Variants in ESCO1 observed in about 807,000 individuals in gnomAD.
The protein encoded by ESCO1 is N-acetyltransferase ESCO1.
A neutral mutation model predicts 83.5 loss-of-function variants in ESCO1; 33 were observed. The observed-to-expected ratio is 0.40, with a 90% CI of 0.30 to 0.53. ESCO1 has a LOEUF of 0.53. ESCO1 is among the 20% of genes least tolerant of loss of function. The pLI is 0.63. For missense variants in ESCO1, 855 were observed against 968.0 expected (o/e 0.88, Z 1.55); for synonymous variants, 332 against 324.3 (o/e 1.02, Z -0.25).
At chr18:21,556,309 C>T (rs922833009) in intron 8 of ESCO1, among the ~76,000 whole-genome samples, 1 of 152,252 alleles carries the variant, frequency 6.6e-6, no homozygotes, top group African/African-American at 2.4e-5. Flanking sequence ...TGCTCTACTA[C>T]TATTCACTTC....
intron 1 of ESCO1, among the ~76,000 whole-genome samples, chr18:21,592,337 G>A (rs1322072539): frequency 2.0e-5 from 3 of 149,626 alleles, no homozygotes; most frequent in Non-Finnish European, 1.5e-5. Flanking sequence ...GGGCAGAGGC[G>A]CCCCTCACCT....
intron 5 of ESCO1, among the ~76,000 whole-genome samples, chr18:21,566,990 A>T (rs1180321251): frequency 2.0e-5 from 3 of 152,206 alleles, no homozygotes; most frequent in Non-Finnish European, 4.4e-5. Flanking sequence ...CAACTCAGAG[A>T]AAAAGTTAAA....
chr18:21,557,220 G>A (rs2038124897), intron 8 of ESCO1, among the ~76,000 whole-genome samples: 1 of 152,078 alleles, frequency 6.6e-6, no homozygotes, highest in Non-Finnish European at 1.5e-5. Flanking sequence ...AGAACAGAAA[G>A]AATAAAGTCC....
chr18:21,547,770 A>C (rs956171938), intron 8 of ESCO1, among the ~76,000 whole-genome samples: 9 of 152,216 alleles, frequency 5.9e-5, no homozygotes, highest in Non-Finnish European at 8.8e-5. Flanking sequence ...GAAAATGCTT[A>C]TTGGGATAAG....
At chr18:21,564,146 AAT>A (rs1326184962) in intron 7 of ESCO1, 55 bp downstream of exon 7, 1 of 1,103,586 alleles carries the variant, frequency 9.1e-7, no homozygotes, top group East Asian at 2.5e-5. Context: ...AGCAACATGA[AAT>A]ATACTAAGAT....
intron 11 of ESCO1, among the ~76,000 whole-genome samples, chr18:21,531,995 CA>C (rs1301369100): frequency 3.3e-5 from 5 of 149,634 alleles, no homozygotes. Flanking sequence ...CTTTATAGGA[CA>C]AAAAACAAAA....
At chr18:21,553,669 C>A (rs2038074821) in intron 8 of ESCO1, among the ~76,000 whole-genome samples, 1 of 151,616 alleles carries the variant, frequency 6.6e-6, no homozygotes, top group Admixed American at 6.6e-5. Context: ...ACCAGCCTGA[C>A]CAACATGGAG....
At chr18:21,591,823 G>T (rs978715838) in intron 1 of ESCO1, among the ~76,000 whole-genome samples, 2 of 151,884 alleles carry the variant, frequency 1.3e-5, no homozygotes, top group South Asian at 2.1e-4. Flanking sequence ...GCGGCCTTCC[G>T]CAGTGTTTGT....
At chr18:21,551,246 A>G (rs1418815712) in intron 8 of ESCO1, among the ~76,000 whole-genome samples, 4 of 151,924 alleles carry the variant, frequency 2.6e-5, no homozygotes, top group East Asian at 1.9e-4. Flanking sequence ...CGAGGCGGAC[A>G]GATCACGAGG....
chr18:21,589,238 CA>C (rs1167027796), intron 1 of ESCO1, among the ~76,000 whole-genome samples: 387 of 116,348 alleles, frequency 3.3e-3, no homozygotes, highest in Middle Eastern at 0.027. Flanking sequence ...GACTCCGTCT[CA>C]AAAAAAAAAA....
chr18:21,530,492 T>C lies in ESCO1; in HGVS notation c.2376-2A>G. ...TATGAGCCATATATAAAGTTACTCC[T>C]ATTAAAAAAAAATGGGGGGGGGGAA... On this transcript the variant is annotated splice_acceptor_variant, in intron 11 of 11. Transcript: ENST00000269214. LOFTEE classifies it high-confidence loss of function. The C allele has an allele frequency of 1.2e-6, 1 of 842,620 alleles. No homozygotes were observed. Among genetic ancestry groups the C allele is most frequent in the Non-Finnish European group, 1.7e-6 (1 of 601,814 alleles). 52.2% of individuals were successfully genotyped at this position (842,620 alleles called of 1,614,324 possible). A position where few individuals can be genotyped will look rare whatever the true frequency, so the allele number is the denominator to read the frequency against.
intron 5 of ESCO1, 96 bp from the exon 6 acceptor site, chr18:21,566,302 A>T: frequency 9.7e-7 from 1 of 1,025,744 alleles, no homozygotes; most frequent in East Asian, 2.5e-5. Context: ...AAAAACCTTC[A>T]ATGCATTAAA....
At chr18:21,540,729 G>C in intron 8 of ESCO1, 1 of 1,252,718 alleles carries the variant, frequency 8.0e-7, no homozygotes, top group Non-Finnish European at 1.0e-6. Context: ...CAAAACAAAA[G>C]CCACTTAAAT....
chr18:21,573,378 A>C lies in ESCO1; in HGVS notation c.1466T>G (p.Ile489Arg). 6.2e-7 allele frequency: 1 copy of C among 1,606,196 alleles called. No individual in the cohort carries two copies. Among genetic ancestry groups the C allele is most frequent in the Non-Finnish European group, 8.5e-7 (1 of 1,178,372 alleles). ...ATCCAATGGTGGGTCAGAAGGTTTT[A>C]TCTCATTGGCCAAATGACAATTTTC... Reference protein sequence around the residue: ...APENCHLANEIKPSDPPLDNQ... With the variant: ...APENCHLANERKPSDPPLDNQ... The change falls in exon 4 of 12, where the codon ATA becomes AGA. Residue 489 changes from isoleucine (I) to arginine (R), a missense_variant. This residue lies in a region of ESCO1 where 726 missense variants were observed against 699.5 expected (regional missense o/e 1.04). Coordinates refer to ENST00000269214, the MANE Select transcript of ESCO1 (RefSeq NM_052911.3).
intron 8 of ESCO1, among the ~76,000 whole-genome samples, chr18:21,545,554 C>A (rs1294954748): frequency 1.8e-4 from 25 of 142,306 alleles, no homozygotes; most frequent in African/African-American, 6.0e-4. Flanking sequence ...GCCCGGTTAA[C>A]AGAGCAAGAC....
chr18:21,563,422 A>G (rs557369351), intron 7 of ESCO1, among the ~76,000 whole-genome samples: 1 of 152,308 alleles, frequency 6.6e-6, no homozygotes, highest in African/African-American at 2.4e-5. Flanking sequence ...ATCTCAGCTC[A>G]CTGCAACCTC....
Position 21,573,725 on chromosome 18 carries a change from A to G in ESCO1, c.1119T>C (p.Pro373=). The G allele has an allele frequency of 6.2e-7, 1 of 1,614,124 alleles. No homozygotes were observed. The highest frequency in any genetic ancestry group is 8.5e-7 in the Non-Finnish European group (1 of 1,180,012). ...NRFFPSRKTK[P]VKCILNGINS... Reference sequence around the variant, plus strand: ...TTATTCCATTTAGTATACATTTCACAGGCTTTGTTTTTCTACTTGGGAAAA... The same window carrying G: ...TTATTCCATTTAGTATACATTTCACGGGCTTTGTTTTTCTACTTGGGAAAA... Residue 373 remains proline (P), a synonymous_variant, in exon 4 of 12, where the codon CCT becomes CCC. Coordinates refer to ENST00000269214, the MANE Select transcript of ESCO1 (RefSeq NM_052911.3).
intron 3 of ESCO1, 99 bp downstream of exon 3, chr18:21,575,572 GA>G: frequency 2.5e-6 from 1 of 398,138 alleles, no homozygotes. Flanking sequence ...AAGGCTAACA[GA>G]ACGAAGTATC....
chr18:21,599,355 T>C (rs964398141), intron 1 of ESCO1, among the ~76,000 whole-genome samples: 1 of 152,196 alleles, frequency 6.6e-6, no homozygotes, highest in East Asian at 1.9e-4. Context: ...AATAAAATAA[T>C]AACTTAAAAC....
Sources: allele counts gnomAD v4.1 joint callset (sites outside exome capture counted in the v4.1 genomes callset), GRCh38; gene constraint gnomAD v4.1.1; regional missense constraint gnomAD v4.1.1; transcripts MANE v1.5; gene names NCBI Gene and HGNC (gene_info 2026-07-23, HGNC 2026-07-21).